The following RNF17 variants were observed in gnomAD, a reference collection of about 807,000 sequenced individuals.
RNF17 encodes spermatogenesis associated 23.
In RNF17, 31 loss-of-function variants were observed where a neutral mutation model predicts 200.5. The ratio of observed to expected loss-of-function variants is 0.15; its 90% CI spans 0.12 to 0.21. The LOEUF (loss-of-function observed/expected upper bound fraction) is 0.21. RNF17 is among the 10% of genes least tolerant of loss of function. The probability of loss-of-function intolerance (pLI) is 1.00; values close to 1 mark genes in which losing one functional copy is unlikely to be tolerated. For missense variants in RNF17, 1,628 were observed against 1,905.1 expected (o/e 0.85, Z 2.71); for synonymous variants, 606 against 637.8 (o/e 0.95, Z 0.75).
At chr13:24,788,222 A>G (rs1371882363) in intron 7 of RNF17, 63 bp downstream of exon 7, 32 of 1,275,668 alleles carry the variant, frequency 2.5e-5, no homozygotes, top group Non-Finnish European at 3.4e-5. Flanking sequence ...GCTTTGGAAT[A>G]TATTTAAGAC....
chr13:24,785,872 A>C (rs1883041073), intron 6 of RNF17, among the ~76,000 whole-genome samples: 1 of 152,160 alleles, frequency 6.6e-6, no homozygotes, highest in Non-Finnish European at 1.5e-5. Flanking sequence ...GGCATGTATT[A>C]TCTTTTTCCA....
At chr13:24,848,913 A>G (rs1162773863) in intron 22 of RNF17, among the ~76,000 whole-genome samples, 1 of 151,902 alleles carries the variant, frequency 6.6e-6, no homozygotes, top group Non-Finnish European at 1.5e-5. Flanking sequence ...GCACATAAGA[A>G]CTCTCTCTGG....
At chr13:24,850,587 G>A in intron 23 of RNF17, 144 bp downstream of exon 23, 1 of 536,264 alleles carries the variant, frequency 1.9e-6, no homozygotes, top group Admixed American at 3.4e-5. Context: ...AGTATAAGAG[G>A]CATATATCTT....
chr13:24,774,845 C>T lies in RNF17; in HGVS notation c.258C>T (p.Tyr86=), dbSNP rs1881325420. Residue 86 remains tyrosine, a synonymous_variant, in exon 3 of 36, where the codon TAC becomes TAT. Transcript: ENST00000255324. The stretch of plus-strand genomic sequence containing the variant: ...CAGCTGTAAATACTAGACAACGCTA[C>T]TACCCAATGGCTGGATATATTAAGG... The part of the protein sequence containing the change: ...VATAVNTRQR[Y]YPMAGYIKED... 6.2e-7 allele frequency: 1 copy of T among 1,612,624 alleles called. No individual in the cohort carries two copies. Among genetic ancestry groups the T allele is most frequent in the Non-Finnish European group, 8.5e-7 (1 of 1,178,974 alleles).
In RNF17 at chr13:24,789,707, G is replaced by T; in HGVS notation, c.870G>T (p.Val290=). Residue 290 remains valine (V), a synonymous_variant, in exon 9 of 36, where the codon GTG becomes GTT. Coordinates refer to ENST00000255324, the MANE Select transcript of RNF17 (RefSeq NM_031277.3). ...PQLRNPPRLS[V]NCSEIICMFN... is the part of the protein sequence containing the mutation. Reference sequence around the variant, plus strand: ...TAATGTTTTATTATAGGTTGAGTGTGAATTGCAGTGAGATCATCTGTATGT... The same window carrying T: ...TAATGTTTTATTATAGGTTGAGTGTTAATTGCAGTGAGATCATCTGTATGT... 1 of 1,587,178 alleles carries T rather than the reference G, an allele frequency of 6.3e-7. No homozygotes were observed. Among genetic ancestry groups the T allele is most frequent in the Non-Finnish European group, 8.6e-7 (1 of 1,156,304 alleles).
At chr13:24,885,531 C>A in the RNF17 span, 1 of 1,278,730 alleles carries the variant, frequency 7.8e-7, no homozygotes, top group Non-Finnish European at 1.1e-6. Context: ...GGTTTAGAAA[C>A]GTTAAGTCTA....
chr13:24,747,921 C>A, the RNF17 span, among the ~76,000 whole-genome samples: 1 of 152,242 alleles, frequency 6.6e-6, no homozygotes, highest in Non-Finnish European at 1.5e-5. Flanking sequence ...CGGGCCCTAC[C>A]CAGCCTGGTT....
At chr13:24,832,959 C>T (rs1300658430) in intron 18 of RNF17, among the ~76,000 whole-genome samples, 1 of 152,012 alleles carries the variant, frequency 6.6e-6, no homozygotes, top group Non-Finnish European at 1.5e-5. Context: ...TTGCTCAGGC[C>T]AGTCTCGAAC....
chr13:24,781,822 G>A (rs1882410362), intron 5 of RNF17, 22 bp from the exon 6 acceptor site: 5 of 1,422,692 alleles, frequency 3.5e-6, no homozygotes, highest in Non-Finnish European at 3.7e-6. Flanking sequence ...TTAAGTTTTT[G>A]TCTTGTTTTT....
chr13:24,757,961 A>G, the RNF17 span, among the ~76,000 whole-genome samples: 1 of 152,028 alleles, frequency 6.6e-6, no homozygotes, highest in Non-Finnish European at 1.5e-5. Context: ...ATGGTTTAGC[A>G]CCGCCTCTTT....
Position 24,807,416 on chromosome 13 carries a change from T to C in RNF17, c.2091+2987T>C, listed in dbSNP as rs1886026375. On this transcript the variant is annotated intron_variant, in intron 15 of 35. Coordinates refer to ENST00000255324, the MANE Select transcript of RNF17 (RefSeq NM_031277.3). ...GATGGCCAGTGATGGTGAGCATTTT[T>C]TCATGTGTCTTTTGGCTGCATAAAT... Among the ~76,000 whole-genome samples, 3 of 152,330 alleles carry C rather than the reference T, an allele frequency of 2.0e-5. No homozygotes were observed. In the South Asian group the frequency reaches 6.2e-4, roughly 32 times the overall value.
rs780517810 is a variant in RNF17 at position 24,866,148 on chromosome 13, C to T, written c.4106C>T (p.Pro1369Leu). 10 of 1,506,186 alleles carry T rather than the reference C, an allele frequency of 6.6e-6. No individual in the cohort carries two copies. Among genetic ancestry groups the T allele is most frequent in the Admixed American group, 1.7e-5 (1 of 58,112 alleles). 93.3% of individuals were successfully genotyped at this position (1,506,186 alleles called of 1,614,324 possible). A position where few individuals can be genotyped will look rare whatever the true frequency, so the allele number is the denominator to read the frequency against. The change falls in exon 30 of 36, where the codon CCA becomes CTA. Residue 1369 changes from proline to leucine, a missense_variant. Physicochemically the swap from Pro to Leu is moderately conservative, Grantham distance 98 (BLOSUM62 -3). This residue lies in a region of RNF17 where 609 missense variants were observed against 681.9 expected (regional missense o/e 0.89). Transcript: ENST00000255324. ...EHTEEMLKEK[P>L]RSDHDKKYEE... ...CTCAATACCATATTATTTCAGAAAC[C>T]AAGATCAGATCATGATAAAAAGTAT...
chr13:24,885,229 CAT>C, the RNF17 span: 39 of 1,253,216 alleles, frequency 3.1e-5, no homozygotes, highest in East Asian at 4.2e-4. Context: ...TATTTTAACC[CAT>C]GTTTATTTTT....
intron 2 of RNF17, among the ~76,000 whole-genome samples, 154 bp downstream of exon 2, chr13:24,767,520 C>T (rs776814598): frequency 3.3e-5 from 5 of 152,082 alleles, no homozygotes; most frequent in African/African-American, 4.8e-5. Flanking sequence ...GAGGCTGAGG[C>T]GGGCAGATCA....
the RNF17 span, among the ~76,000 whole-genome samples, chr13:24,756,415 A>T: frequency 6.6e-6 from 1 of 152,206 alleles, no homozygotes; most frequent in African/African-American, 2.4e-5. Flanking sequence ...TCTTGAGCTG[A>T]TCAAATAAAT....
At chr13:24,820,430 T>G (rs1164011467) in intron 15 of RNF17, among the ~76,000 whole-genome samples, 2 of 149,518 alleles carry the variant, frequency 1.3e-5, no homozygotes, top group Non-Finnish European at 3.0e-5. Context: ...CCTTTTTGTT[T>G]TGTTTTGTTT....
At chr13:24,878,353 C>T (rs1895082330) in intron 34 of RNF17, among the ~76,000 whole-genome samples, 1 of 152,182 alleles carries the variant, frequency 6.6e-6, no homozygotes, top group South Asian at 2.1e-4. Context: ...TTTCACTTCT[C>T]TAATATTCAG....
intron 2 of RNF17, among the ~76,000 whole-genome samples, chr13:24,767,663 G>C (rs1879918025): frequency 6.7e-6 from 1 of 149,934 alleles, no homozygotes; most frequent in Non-Finnish European, 1.5e-5. Context: ...CAGGAGAATC[G>C]CTTGAACCTG....
upstream of RNF17, among the ~76,000 whole-genome samples, chr13:24,761,101 G>C (rs1234407446): frequency 6.6e-6 from 1 of 152,114 alleles, no homozygotes; most frequent in African/African-American, 2.4e-5. Context: ...GTAACTGAAT[G>C]GGTTAACTTA....
Sources: allele counts gnomAD v4.1 joint callset (sites outside exome capture counted in the v4.1 genomes callset), GRCh38; gene constraint gnomAD v4.1.1; regional missense constraint gnomAD v4.1.1; transcripts MANE v1.5; gene names NCBI Gene and HGNC (gene_info 2026-07-23, HGNC 2026-07-21).